KIAA1217: variants seen among roughly 807,000 people sequenced by gnomAD.
KIAA1217 encodes KIAA1217.
A neutral mutation model predicts 163.9 loss-of-function variants in KIAA1217; 88 were observed. The observed-to-expected ratio is 0.54, with a 90% CI of 0.45 to 0.64. The LOEUF is 0.64. Ranked by LOEUF, KIAA1217 falls within the 30% of genes least tolerant of loss-of-function variation. KIAA1217 has a pLI of 0.00. For synonymous variants in KIAA1217, 903 were observed against 923.1 expected, an observed-to-expected ratio of 0.98 and a Z score of 0.39; for missense variants, 2,372 against 2,475.0, an observed-to-expected ratio of 0.96 and a Z score of 0.88.
chr10:24,327,057 A>G (rs1173793619), intron 2 of KIAA1217, among the ~76,000 whole-genome samples: 1 of 152,120 alleles, frequency 6.6e-6, no homozygotes, highest in East Asian at 1.9e-4. Context: ...TTTGAGTATG[A>G]TTTGTTTTCT....
chr10:23,705,936 A>G (rs1317084303), intron 1 of KIAA1217, among the ~76,000 whole-genome samples: 1 of 152,144 alleles, frequency 6.6e-6, no homozygotes, highest in Non-Finnish European at 1.5e-5. Context: ...ATTTTTTTCA[A>G]CATTGTTGCA....
At chr10:23,988,695 A>G (rs962577370) in intron 1 of KIAA1217, among the ~76,000 whole-genome samples, 5 of 152,230 alleles carry the variant, frequency 3.3e-5, no homozygotes, top group African/African-American at 1.2e-4. Flanking sequence ...TATGAGAACT[A>G]TACAGTGTCA....
intron 1 of KIAA1217, among the ~76,000 whole-genome samples, chr10:23,935,848 T>C (rs10828574): frequency 6.6e-6 from 1 of 152,014 alleles, no homozygotes; most frequent in Non-Finnish European, 1.5e-5. Flanking sequence ...TTTTCTAGAA[T>C]AACTGAAGCC....
chr10:24,495,084 T>TAAA, intron 7 of KIAA1217, 63 bp from the exon 8 acceptor site: 2 of 1,095,842 alleles, frequency 1.8e-6, no homozygotes, highest in Non-Finnish European at 2.6e-6. Context: ...GGAATGGGCT[T>TAAA]TAAAAAAAAA....
At chr10:24,338,969 A>C (rs942598634) in intron 2 of KIAA1217, among the ~76,000 whole-genome samples, 1 of 152,200 alleles carries the variant, frequency 6.6e-6, no homozygotes, top group Non-Finnish European at 1.5e-5. Context: ...AGTGACTTAC[A>C]TTGAAATCCT....
At chr10:24,362,632 T>C (rs2050177716) in intron 2 of KIAA1217, among the ~76,000 whole-genome samples, 1 of 152,230 alleles carries the variant, frequency 6.6e-6, no homozygotes, top group Non-Finnish European at 1.5e-5. Flanking sequence ...TCGTTTACCA[T>C]GGTTAGTCTC....
chr10:24,056,470 T>G (rs1349187509), intron 2 of KIAA1217, among the ~76,000 whole-genome samples: 1 of 151,792 alleles, frequency 6.6e-6, no homozygotes, highest in South Asian at 2.1e-4. Context: ...AAGAAAGGAC[T>G]GTACTAAGAA....
At chr10:24,037,567 T>C (rs1427638182) in intron 2 of KIAA1217, among the ~76,000 whole-genome samples, 1 of 152,154 alleles carries the variant, frequency 6.6e-6, no homozygotes, top group Non-Finnish European at 1.5e-5. Context: ...GATCAGCTGG[T>C]GAATGATCTC....
chr10:24,333,344 A>T (rs1218163721), intron 2 of KIAA1217, among the ~76,000 whole-genome samples: 1 of 152,148 alleles, frequency 6.6e-6, no homozygotes, highest in Non-Finnish European at 1.5e-5. Flanking sequence ...ATGGGTAAGG[A>T]TTATGATGAT....
At chr10:23,989,101 T>C (rs973865867) in intron 1 of KIAA1217, among the ~76,000 whole-genome samples, 1 of 152,228 alleles carries the variant, frequency 6.6e-6, no homozygotes, top group African/African-American at 2.4e-5. Context: ...CTAAGTTATA[T>C]GAAGCATAAC....
Position 23,750,941 on chromosome 10 carries a change from C to G in KIAA1217, c.-321+55707C>G, listed in dbSNP as rs1023788222. Among the ~76,000 whole-genome samples, 10 of 151,778 alleles carry G rather than the reference C, an allele frequency of 6.6e-5. No individual in the cohort carries two copies. The South Asian group carries it at 1.2e-3, about 19-fold the overall frequency. ...GTGCTGACCTTAAGATAATTCCTTT[C>G]CCTTCCCTTCCCTTCCCCTCCCCTC... On this transcript the variant is annotated intron_variant, in intron 1 of 18. Transcript: ENST00000376462.
intron 2 of KIAA1217, among the ~76,000 whole-genome samples, chr10:24,354,779 T>C (rs543242573): frequency 3.1e-4 from 47 of 152,284 alleles, no homozygotes; most frequent in African/African-American, 1.1e-3. Context: ...CTTCTGCTCA[T>C]GGAGCCTGGG....
intron 1 of KIAA1217, among the ~76,000 whole-genome samples, chr10:23,710,359 C>T (rs1476420668): frequency 6.6e-6 from 1 of 152,162 alleles, no homozygotes; most frequent in Non-Finnish European, 1.5e-5. Context: ...GTATTATACT[C>T]TTTAACACAG....
chr10:24,542,644 TG>T (rs1353799361), intron 17 of KIAA1217, 48 bp from the exon 18 acceptor site: 5 of 1,597,322 alleles, frequency 3.1e-6, no homozygotes, highest in East Asian at 4.5e-5. Flanking sequence ...TCCACTTTTT[TG>T]GGGGGATGTG....
At chr10:23,801,761 G>A (rs771978535) in intron 1 of KIAA1217, among the ~76,000 whole-genome samples, 5 of 152,268 alleles carry the variant, frequency 3.3e-5, no homozygotes, top group East Asian at 1.9e-4. Context: ...AGTAAGTAAC[G>A]TGCTTAAGGT....
chr10:24,543,509 G>T lies in KIAA1217; in HGVS notation c.4239G>T (p.Thr1413=). Reference sequence around the variant, plus strand: ...GCCAAAAGGGAGAAGACATACAGACGGTTAATATCGATGCCAGAAAAGAGA... The same window carrying T: ...GCCAAAAGGGAGAAGACATACAGACTGTTAATATCGATGCCAGAAAAGAGA... ...IVSQKGEDIQ[T]VNIDARKEMT... The change falls in exon 19 of 21, where the codon ACG becomes ACT. Residue 1413 remains threonine (T), a synonymous_variant. Transcript: ENST00000376454. The T allele has an allele frequency of 1.2e-6, 2 of 1,614,064 alleles. No homozygotes were observed. The highest frequency in any genetic ancestry group is 1.7e-6 in the Non-Finnish European group (2 of 1,180,024).
chr10:24,231,867 C>T (rs1220930489), intron 2 of KIAA1217, among the ~76,000 whole-genome samples: 22 of 150,912 alleles, frequency 1.5e-4, no homozygotes, highest in Admixed American at 8.6e-4. Context: ...GGCATGATCT[C>T]GGCTCACTGC....
intron 2 of KIAA1217, among the ~76,000 whole-genome samples, chr10:24,342,647 A>G (rs997331510): frequency 8.5e-5 from 12 of 141,476 alleles, no homozygotes; most frequent in African/African-American, 3.2e-4. Context: ...TGCAGATACA[A>G]CTCAATTTTT....
intron 1 of KIAA1217, among the ~76,000 whole-genome samples, chr10:23,720,215 A>T (rs561036148): frequency 1.4e-4 from 22 of 152,108 alleles, no homozygotes; most frequent in African/African-American, 5.1e-4. Context: ...TTTAGAAATA[A>T]GTGTTTGCCT....
Sources: gnomAD v4.1 joint callset for allele counts (sites outside exome capture counted in the v4.1 genomes callset) on GRCh38, gnomAD v4.1.1 for gene constraint, MANE v1.5 for transcripts, NCBI Gene and HGNC (gene_info 2026-07-23, HGNC 2026-07-21) for gene names.